The following PRKG1 variants were observed in gnomAD, a reference collection of about 807,000 sequenced individuals.
The protein encoded by PRKG1 is cGMP-dependent protein kinase 1.
A neutral mutation model predicts 88.1 loss-of-function variants in PRKG1; 35 were observed. The ratio of observed to expected loss-of-function variants is 0.40; its 90% CI spans 0.30 to 0.53. The LOEUF (loss-of-function observed/expected upper bound fraction) is 0.53. PRKG1 is among the 20% of genes least tolerant of loss of function. PRKG1 has a pLI of 0.59. For synonymous variants in PRKG1, 303 were observed against 292.5 expected (o/e 1.04, Z -0.37); for missense variants, 540 against 839.8 (o/e 0.64, Z 4.41).
In PRKG1 at chr10:50,991,238, A is replaced by G; in HGVS notation, c.-141A>G. Reference sequence around the variant, plus strand: ...GCTCCCCGCGCCGCATTAGGGGCGCACTCCGCCGCGCTCGAGTACTTAGCG... The same window carrying G: ...GCTCCCCGCGCCGCATTAGGGGCGCGCTCCGCCGCGCTCGAGTACTTAGCG... On this transcript the variant is annotated 5_prime_UTR_variant, in exon 1 of 18. Coordinates refer to the PRKG1 transcript ENST00000401604. This position sits in a 1 kb window ranked among gnomAD's most constrained non-coding sequence, Gnocchi z 4.5. 7.9e-7 allele frequency: 1 copy of G among 1,272,404 alleles called. No individual in the cohort carries two copies. The highest frequency in any genetic ancestry group is 1.6e-5 in the South Asian group (1 of 62,478). The allele number at this position is 1,272,404 out of a possible 1,614,324, so 78.8% of individuals were successfully genotyped here.
chr10:51,756,745 G>A (rs1837876538), intron 3 of PRKG1, among the ~76,000 whole-genome samples: 1 of 151,894 alleles, frequency 6.6e-6, no homozygotes, highest in Admixed American at 6.6e-5. Context: ...AACCCGGGAG[G>A]CAGAGCTTGC....
chr10:51,277,191 T>C (rs1840146331), intron 2 of PRKG1, among the ~76,000 whole-genome samples: 1 of 152,238 alleles, frequency 6.6e-6, no homozygotes, highest in African/African-American at 2.4e-5. Context: ...GGTAGCCAGT[T>C]TTCCCAGTAC....
At chr10:51,966,272 T>G (rs1843565009) in intron 5 of PRKG1, among the ~76,000 whole-genome samples, 2 of 152,152 alleles carry the variant, frequency 1.3e-5, no homozygotes. Flanking sequence ...CCTGGCTCAT[T>G]GTAATCTCTT....
At chr10:51,765,452 T>C (rs925351363) in intron 3 of PRKG1, among the ~76,000 whole-genome samples, 6 of 152,214 alleles carry the variant, frequency 3.9e-5, no homozygotes, top group African/African-American at 1.4e-4. Flanking sequence ...TCTTCTATGA[T>C]TCAGTCTTAG....
chr10:51,687,570 C>T (rs1175201643), intron 3 of PRKG1, among the ~76,000 whole-genome samples: 3 of 152,134 alleles, frequency 2.0e-5, no homozygotes, highest in East Asian at 3.9e-4. Flanking sequence ...AAATGGAGTA[C>T]CCAGATGTTA....
At chr10:52,251,828 A>C in intron 10 of PRKG1, 162 bp downstream of exon 10, 1 of 601,152 alleles carries the variant, frequency 1.7e-6, no homozygotes, top group South Asian at 2.5e-5. Context: ...TGTCATAATT[A>C]GACACAAAGT....
intron 1 of PRKG1, among the ~76,000 whole-genome samples, chr10:51,143,884 T>A (rs371433947): frequency 6.6e-6 from 1 of 152,052 alleles, no homozygotes; most frequent in East Asian, 1.9e-4. Flanking sequence ...ACCCTGGTCA[T>A]GTGTATAGGA....
At chr10:52,218,962 A>T (rs1188237054) in intron 9 of PRKG1, among the ~76,000 whole-genome samples, 1 of 152,210 alleles carries the variant, frequency 6.6e-6, no homozygotes, top group African/African-American at 2.4e-5. Context: ...AGCTAAATTC[A>T]ACAGTAGTTA....
intron 4 of PRKG1, among the ~76,000 whole-genome samples, chr10:51,888,503 A>G (rs185705859): frequency 6.2e-4 from 94 of 152,314 alleles, no homozygotes; most frequent in Non-Finnish European, 2.4e-4. Flanking sequence ...TCTCAAACCA[A>G]TGGGACTTTT....
chr10:51,744,622 T>C (rs552782484), intron 3 of PRKG1, among the ~76,000 whole-genome samples: 2 of 152,366 alleles, frequency 1.3e-5, no homozygotes, highest in African/African-American at 4.8e-5. Context: ...AGAAAGACAT[T>C]TCTTATGTGT....
At chr10:52,138,460 A>G (rs1455762283) in intron 8 of PRKG1, among the ~76,000 whole-genome samples, 1 of 152,164 alleles carries the variant, frequency 6.6e-6, no homozygotes, top group African/African-American at 2.4e-5. Flanking sequence ...TCTGTTTGTC[A>G]TGGGAGTAAG....
intron 1 of PRKG1, among the ~76,000 whole-genome samples, chr10:50,998,113 A>G (rs16912425): frequency 0.017 from 2,563 of 152,254 alleles, 37 homozygotes; most frequent in South Asian, 0.041. Flanking sequence ...TTAGCCCGGA[A>G]AAAGGTACTG....
At chr10:51,191,567 T>G (rs1203792316) in intron 2 of PRKG1, among the ~76,000 whole-genome samples, 2 of 151,874 alleles carry the variant, frequency 1.3e-5, no homozygotes, top group African/African-American at 2.4e-5. Context: ...TGATTATTAT[T>G]ATGATGATAA....
intron 3 of PRKG1, among the ~76,000 whole-genome samples, chr10:51,535,878 A>G (rs1842137324): frequency 6.6e-6 from 1 of 151,984 alleles, no homozygotes; most frequent in Admixed American, 6.6e-5. Context: ...TCATGACACC[A>G]TGCCCAGTTA....
intron 7 of PRKG1, among the ~76,000 whole-genome samples, chr10:52,093,675 GAATTATGCAA>G (rs1284535739): frequency 6.6e-6 from 1 of 152,026 alleles, no homozygotes; most frequent in Non-Finnish European, 1.5e-5. Context: ...TCTTTGTTTT[GAATTATGCAA>G]ATAATCACCT....
At chr10:51,223,947 T>G (rs1355119480) in intron 2 of PRKG1, among the ~76,000 whole-genome samples, 1 of 152,138 alleles carries the variant, frequency 6.6e-6, no homozygotes, top group Non-Finnish European at 1.5e-5. Flanking sequence ...TAAGGGAAAG[T>G]GTGCTTTGAT....
At chr10:52,116,835 C>T (rs2132601895) in intron 7 of PRKG1, among the ~76,000 whole-genome samples, 1 of 151,858 alleles carries the variant, frequency 6.6e-6, no homozygotes, top group South Asian at 2.1e-4. Flanking sequence ...TTATTTTCCT[C>T]ATTTTTTTTT....
chr10:51,066,013 G>A (rs1041235176), intron 1 of PRKG1, among the ~76,000 whole-genome samples: 1 of 152,074 alleles, frequency 6.6e-6, no homozygotes, highest in Admixed American at 6.6e-5. Flanking sequence ...CAAGAGATGA[G>A]AGGCGGTAAT....
At chr10:51,302,306 G>A (rs760207088) in intron 2 of PRKG1, among the ~76,000 whole-genome samples, 5 of 152,074 alleles carry the variant, frequency 3.3e-5, no homozygotes, top group Non-Finnish European at 7.4e-5. Context: ...TAGTAAACGT[G>A]ATAATGTAGA....
Sources: allele counts gnomAD v4.1 joint callset (sites outside exome capture counted in the v4.1 genomes callset), GRCh38; gene constraint gnomAD v4.1.1; non-coding constraint Gnocchi (gnomAD v3.1); transcripts MANE v1.5; gene names NCBI Gene and HGNC (gene_info 2026-07-23, HGNC 2026-07-21).